The following PPP2R2B variants were observed in gnomAD, a reference collection of about 807,000 sequenced individuals.
PPP2R2B encodes serine/threonine-protein phosphatase 2A 55 kDa regulatory subunit B beta isoform.
PPP2R2B carries 5 observed loss-of-function variants against 46.0 expected under a neutral mutation model. The observed-to-expected ratio is 0.11, with a 90% CI of 0.06 to 0.23. The LOEUF (loss-of-function observed/expected upper bound fraction) is 0.23, where lower values mean the gene tolerates loss of function less well. Ranked by LOEUF, PPP2R2B falls within the 10% of genes least tolerant of loss-of-function variation. The probability of loss-of-function intolerance (pLI) is 1.00; values close to 1 mark genes in which losing one functional copy is unlikely to be tolerated. For missense variants in PPP2R2B, 367 were observed against 575.0 expected, an observed-to-expected ratio of 0.64 and a Z score of 3.70; for synonymous variants, 215 against 206.7, an observed-to-expected ratio of 1.04 and a Z score of -0.34.
chr5:146,718,172 T>C (rs1780600187), intron 2 of PPP2R2B, among the ~76,000 whole-genome samples: 1 of 152,132 alleles, frequency 6.6e-6, no homozygotes, highest in Non-Finnish European at 1.5e-5. Flanking sequence ...TGACACATAG[T>C]AGACATGCAA....
intron 2 of PPP2R2B, among the ~76,000 whole-genome samples, chr5:146,875,641 A>C (rs1005533557): frequency 2.0e-5 from 3 of 152,368 alleles, no homozygotes; most frequent in Admixed American, 2.0e-4. Context: ...AGGAAAAAAA[A>C]GAACAATCTG....
intron 1 of PPP2R2B, among the ~76,000 whole-genome samples, chr5:146,973,429 G>A (rs751844083): frequency 1.3e-5 from 2 of 152,150 alleles, no homozygotes; most frequent in Non-Finnish European, 1.5e-5. Context: ...GGCACATTGG[G>A]CTACCCTTTC....
chr5:146,887,736 C>T, intron 1 of PPP2R2B, among the ~76,000 whole-genome samples: 1 of 152,284 alleles, frequency 6.6e-6, no homozygotes, highest in Non-Finnish European at 1.5e-5. Flanking sequence ...AGAGAAGAAG[C>T]CAAATAGCCA....
At chr5:146,768,795 C>T (rs1161628953) in intron 2 of PPP2R2B, among the ~76,000 whole-genome samples, 6 of 152,192 alleles carry the variant, frequency 3.9e-5, no homozygotes, top group Non-Finnish European at 7.3e-5. Flanking sequence ...GATTTGCTGT[C>T]GCATCTGCCT....
At chr5:146,867,055 A>G (rs187459551) in intron 2 of PPP2R2B, among the ~76,000 whole-genome samples, 202 of 152,348 alleles carry the variant, frequency 1.3e-3, no homozygotes, top group African/African-American at 4.6e-3. Context: ...AGTTAATTAA[A>G]TATCATGAAA....
intron 1 of PPP2R2B, among the ~76,000 whole-genome samples, chr5:146,960,488 C>A (rs1447657583): frequency 6.6e-6 from 1 of 152,132 alleles, no homozygotes; most frequent in Non-Finnish European, 1.5e-5. Context: ...GCGGGTTTCA[C>A]CATGTTGGTC....
At chr5:146,829,166 T>C (rs1758765416) in intron 2 of PPP2R2B, among the ~76,000 whole-genome samples, 1 of 152,212 alleles carries the variant, frequency 6.6e-6, no homozygotes, top group Admixed American at 6.5e-5. Flanking sequence ...ATGACCACCA[T>C]ATTTAATGTC....
Position 146,624,425 on chromosome 5 carries a change from T to A in PPP2R2B, c.790+13826A>T, listed in dbSNP as rs187224566. ...TACTTCACCCTCTACATCTTTTTTT[T>A]AAAAAAACAGTTCTATTAACTTTAC... On this transcript the variant is annotated intron_variant, in intron 7 of 9. Coordinates refer to ENST00000394411, the MANE Select transcript of PPP2R2B (RefSeq NM_181675.4). Among the ~76,000 whole-genome samples the A allele has an allele frequency of 3.9e-3, 591 of 152,126 alleles. 4 individuals are homozygous for A. The highest frequency in any genetic ancestry group is 0.017 in the South Asian group (80 of 4,806).
intron 2 of PPP2R2B, among the ~76,000 whole-genome samples, chr5:146,709,598 G>T (rs191034195): frequency 3.9e-5 from 6 of 152,322 alleles, no homozygotes; most frequent in Admixed American, 3.3e-4. Context: ...GTGAGGGAAG[G>T]CCTTCTGACC....
At chr5:147,019,860 G>A (rs191118532) in intron 1 of PPP2R2B, among the ~76,000 whole-genome samples, 1 of 152,152 alleles carries the variant, frequency 6.6e-6, no homozygotes, top group East Asian at 1.9e-4. Context: ...TGATTCTTCT[G>A]TATGAGAGCT....
At chr5:146,789,059 T>C (rs142919641) in intron 2 of PPP2R2B, among the ~76,000 whole-genome samples, 1 of 152,324 alleles carries the variant, frequency 6.6e-6, no homozygotes, top group Non-Finnish European at 1.5e-5. Flanking sequence ...TATGTTGGAA[T>C]GAACTCAGGT....
At chr5:146,837,669 C>A (rs1759367154) in intron 2 of PPP2R2B, among the ~76,000 whole-genome samples, 1 of 152,158 alleles carries the variant, frequency 6.6e-6, no homozygotes, top group Non-Finnish European at 1.5e-5. Flanking sequence ...TAATCAATAT[C>A]AAAACATTAT....
At position 146,886,827 on chromosome 5, in the gene PPP2R2B, TA is replaced by T. The variant is rs530784298; in HGVS notation, c.79+168837del. ...AGATTATCATTTTAAACTTTTTTAG[TA>T]AAAAAAAAAAATAAGTATTTTTAAT... On this transcript the variant is annotated intron_variant, in intron 1 of 8. Transcript: ENST00000336640. Among the ~76,000 whole-genome samples, 361 of 143,446 alleles carry T rather than the reference TA, an allele frequency of 2.5e-3. 1 individual carries two copies. The highest frequency in any genetic ancestry group is 6.1e-3 in the African/African-American group (240 of 39,664). The allele number at this position is 143,446 out of a possible 152,430, so 94.1% of individuals were successfully genotyped here. A position where few individuals can be genotyped will look rare whatever the true frequency, so the allele number is the denominator to read the frequency against.
chr5:146,681,938 C>G (rs970577746), intron 5 of PPP2R2B, among the ~76,000 whole-genome samples: 13 of 151,910 alleles, frequency 8.6e-5, no homozygotes, highest in African/African-American at 3.1e-4. Context: ...TTTTCTTTTT[C>G]TGACACTAGT....
At chr5:147,006,166 G>A (rs559179208) in intron 1 of PPP2R2B, among the ~76,000 whole-genome samples, 2 of 152,166 alleles carry the variant, frequency 1.3e-5, no homozygotes, top group Admixed American at 6.5e-5. Flanking sequence ...GGAAAAAGAC[G>A]CAATGGGTAC....
chr5:147,072,937 C>G (rs908266288), intron 2 of PPP2R2B, among the ~76,000 whole-genome samples: 1 of 152,180 alleles, frequency 6.6e-6, no homozygotes, highest in East Asian at 1.9e-4. Context: ...CTCTAGCAAG[C>G]CTTCCCTGCT....
At chr5:146,845,222 C>T (rs1262027520) in intron 2 of PPP2R2B, among the ~76,000 whole-genome samples, 35 of 152,062 alleles carry the variant, frequency 2.3e-4, no homozygotes, top group Non-Finnish European at 1.5e-5. Context: ...CATCTAAAGC[C>T]ATCTCATCAT....
chr5:146,982,379 A>G (rs1271632751), intron 1 of PPP2R2B, among the ~76,000 whole-genome samples: 1 of 152,126 alleles, frequency 6.6e-6, no homozygotes, highest in Admixed American at 6.5e-5. Flanking sequence ...ATTGATTTCT[A>G]ATGTAACTCC....
At chr5:146,982,358 A>AT in intron 1 of PPP2R2B, among the ~76,000 whole-genome samples, 1 of 151,944 alleles carries the variant, frequency 6.6e-6, no homozygotes, top group South Asian at 2.1e-4. Flanking sequence ...GTATTAGGAG[A>AT]TTTTTCTGTT....
Sources: gnomAD v4.1 joint callset for allele counts (sites outside exome capture counted in the v4.1 genomes callset) on GRCh38, gnomAD v4.1.1 for gene constraint, MANE v1.5 for transcripts, NCBI Gene and HGNC (gene_info 2026-07-23, HGNC 2026-07-21) for gene names.